AMBRA1: variants seen among roughly 807,000 people sequenced by gnomAD.
AMBRA1 encodes autophagy and beclin 1 regulator 1.
A neutral mutation model predicts 125.4 loss-of-function variants in AMBRA1; 47 were observed. The ratio of observed to expected loss-of-function variants is 0.37; its 90% CI spans 0.30 to 0.48. The LOEUF is 0.48. AMBRA1 is among the 20% of genes least tolerant of loss of function. AMBRA1 has a pLI of 0.99. For synonymous variants in AMBRA1, 626 were observed against 655.5 expected (o/e 0.95, Z 0.69); for missense variants, 1,331 against 1,693.4 (o/e 0.79, Z 3.76).
At chr11:46,537,983 C>T (rs1301918921) in intron 7 of AMBRA1, among the ~76,000 whole-genome samples, 1 of 152,212 alleles carries the variant, frequency 6.6e-6, no homozygotes, top group African/African-American at 2.4e-5. Flanking sequence ...TCTTCCCAGT[C>T]ATCCTAACCT....
At chr11:46,398,613 T>C (rs540840309) in intron 17 of AMBRA1, among the ~76,000 whole-genome samples, 3 of 151,820 alleles carry the variant, frequency 2.0e-5, no homozygotes, top group Non-Finnish European at 4.4e-5. Flanking sequence ...GCCTCCTGAG[T>C]AACTACAGGT....
rs774000002 is a variant in AMBRA1 at position 46,443,470 on chromosome 11, CA to C, written c.2632+17del. 1 of 1,592,884 alleles carries C rather than the reference CA, an allele frequency of 6.3e-7. No homozygotes were observed. The highest frequency in any genetic ancestry group is 1.1e-5 in the South Asian group (1 of 90,646). ...AATATAACCCTTCCACTGATACCCC[CA>C]TTTGACATTGACTTACCATTACTGA... is the stretch of plus-strand genomic sequence containing the variant. On this transcript the variant is annotated intron_variant, in intron 12 of 17. Coordinates refer to ENST00000683756, the MANE Select transcript of AMBRA1 (RefSeq NM_001387011.1).
chr11:46,539,086 A>T (rs899452025), intron 7 of AMBRA1, among the ~76,000 whole-genome samples: 6 of 151,734 alleles, frequency 4.0e-5, no homozygotes, highest in Non-Finnish European at 8.8e-5. Context: ...AAATTATCTG[A>T]TATCTAGGTG....
At chr11:46,450,651 C>A (rs777440190) in intron 11 of AMBRA1, among the ~76,000 whole-genome samples, 4 of 152,106 alleles carry the variant, frequency 2.6e-5, no homozygotes, top group Admixed American at 1.3e-4. Context: ...CCATGTTGCC[C>A]AGCCTTGTCT....
intron 15 of AMBRA1, among the ~76,000 whole-genome samples, chr11:46,416,143 G>A (rs895064913): frequency 6.6e-6 from 1 of 152,228 alleles, no homozygotes; most frequent in Non-Finnish European, 1.5e-5. Flanking sequence ...GTGTAAGTAA[G>A]AGTAGAATCA....
chr11:46,536,331 CAAA>C (rs991748637), intron 7 of AMBRA1, among the ~76,000 whole-genome samples: 4 of 152,060 alleles, frequency 2.6e-5, no homozygotes, highest in African/African-American at 9.7e-5. Flanking sequence ...TGCAATATCA[CAAA>C]GAAGTATCTA....
At chr11:46,447,771 GATAGATA>G (rs2136771977) in intron 11 of AMBRA1, among the ~76,000 whole-genome samples, 1 of 95,218 alleles carries the variant, frequency 1.1e-5, no homozygotes, top group East Asian at 3.1e-4. Context: ...TAGATAGATA[GATAGATA>G]GTGATGGCAA....
intron 11 of AMBRA1, among the ~76,000 whole-genome samples, chr11:46,456,534 A>T (rs937628820): frequency 1.3e-5 from 2 of 152,174 alleles, no homozygotes; most frequent in Non-Finnish European, 2.9e-5. Context: ...AGGGAAAAGG[A>T]CTGAGGGAGA....
intron 11 of AMBRA1, among the ~76,000 whole-genome samples, chr11:46,481,387 A>ATTTTTG (rs1211442662): frequency 6.6e-6 from 1 of 151,842 alleles, no homozygotes; most frequent in Non-Finnish European, 1.5e-5. Context: ...TGAACACACT[A>ATTTTTG]TTTTTGTTTT....
In AMBRA1 at chr11:46,584,194, TAA is replaced by T. The variant is rs1252167244; in HGVS notation, c.-121+9632_-121+9633del. Among the ~76,000 whole-genome samples, 422 of 143,646 alleles carry T rather than the reference TAA, an allele frequency of 2.9e-3. 1 individual carries two copies. The highest frequency in any genetic ancestry group is 0.011 in the African/African-American group (411 of 37,398). The allele number at this position is 143,646 out of a possible 152,430, so 94.2% of individuals were successfully genotyped here. On this transcript the variant is annotated intron_variant, in intron 1 of 17. Transcript: ENST00000683756. Reference sequence around the variant, plus strand: ...TACACCACGGAATACTATGCAGCCATAAAAAATGATGAGTTCATGTCCTTTGT... The same window carrying T: ...TACACCACGGAATACTATGCAGCCATAAAATGATGAGTTCATGTCCTTTGT...
At chr11:46,544,144 G>GA in intron 5 of AMBRA1, 103 bp from the exon 6 acceptor site, 5 of 867,278 alleles carry the variant, frequency 5.8e-6, no homozygotes, top group Non-Finnish European at 7.4e-6. Flanking sequence ...ACTGATAACT[G>GA]GTATCACTCA....
chr11:46,456,476 A>G (rs1948849589), intron 11 of AMBRA1, among the ~76,000 whole-genome samples: 1 of 152,196 alleles, frequency 6.6e-6, no homozygotes, highest in Non-Finnish European at 1.5e-5. Context: ...CAGCTGCTTA[A>G]GGGGGTGCCT....
At chr11:46,472,393 G>C (rs1391319853) in intron 11 of AMBRA1, among the ~76,000 whole-genome samples, 1 of 152,176 alleles carries the variant, frequency 6.6e-6, no homozygotes, top group Non-Finnish European at 1.5e-5. Flanking sequence ...TGGGTGCTAG[G>C]ACATATATTT....
chr11:46,434,879 G>T lies in AMBRA1; in HGVS notation c.2791C>A (p.Leu931Met). ...CGCTTGGTGTAGAGCATTTCGCCCA[G>T]GTTATGGGGGGCCAGGGAGTACACT... The part of the protein sequence containing the change: ...LAVYSLAPHN[L>M]GEMLYTKRFG... The change falls in exon 13 of 18, where the codon CTG (leucine) becomes ATG (methionine). Residue 931 changes from leucine (L) to methionine (M), a missense_variant. By Grantham distance (15) the Leu-to-Met change is conservative. Coordinates refer to ENST00000683756, the MANE Select transcript of AMBRA1 (RefSeq NM_001387011.1). 1 of 1,613,080 alleles carries T rather than the reference G, an allele frequency of 6.2e-7. No homozygotes were observed. Among genetic ancestry groups the T allele is most frequent in the East Asian group, 2.2e-5 (1 of 44,876 alleles).
intron 11 of AMBRA1, among the ~76,000 whole-genome samples, chr11:46,475,625 G>T (rs966009046): frequency 2.0e-5 from 3 of 152,178 alleles, no homozygotes; most frequent in African/African-American, 7.2e-5. Flanking sequence ...TTCAGAGACA[G>T]AGCCCCTGAG....
intron 11 of AMBRA1, among the ~76,000 whole-genome samples, chr11:46,446,906 C>T (rs1459596639): frequency 1.3e-5 from 2 of 152,198 alleles, no homozygotes; most frequent in South Asian, 2.1e-4. Flanking sequence ...TCCATATCTG[C>T]CAATGGGATC....
intron 14 of AMBRA1, among the ~76,000 whole-genome samples, chr11:46,427,579 T>G (rs1320759870): frequency 6.6e-6 from 1 of 152,180 alleles, no homozygotes; most frequent in Non-Finnish European, 1.5e-5. Flanking sequence ...CCCCAGAGTT[T>G]CTGACTCAGC....
chr11:46,564,170 G>C (rs1407105419), intron 1 of AMBRA1, among the ~76,000 whole-genome samples: 1 of 106,712 alleles, frequency 9.4e-6, no homozygotes, highest in African/African-American at 3.6e-5. Flanking sequence ...AAAAACGTAA[G>C]AGCAATCTTA....
intron 14 of AMBRA1, among the ~76,000 whole-genome samples, chr11:46,428,093 T>C (rs1341837845): frequency 1.3e-5 from 2 of 151,220 alleles, no homozygotes; most frequent in South Asian, 2.1e-4. Context: ...GGGAGGCATA[T>C]TGCTAGCGCT....
Sources: allele counts gnomAD v4.1 joint callset (sites outside exome capture counted in the v4.1 genomes callset), GRCh38; gene constraint gnomAD v4.1.1; transcripts MANE v1.5; gene names NCBI Gene and HGNC (gene_info 2026-07-23, HGNC 2026-07-21).